The following NKX6-1 variants were observed in gnomAD, a reference collection of about 807,000 sequenced individuals.
The protein encoded by NKX6-1 is NK6 homeobox 1.
Under a neutral mutation model 24.9 loss-of-function variants are expected in NKX6-1, and 11 were observed. The ratio of observed to expected loss-of-function variants is 0.44; its 90% CI spans 0.28 to 0.73. The LOEUF is 0.73. Ranked by LOEUF, NKX6-1 falls within the 30% of genes least tolerant of loss-of-function variation. The probability of loss-of-function intolerance (pLI) is 0.15; values close to 1 mark genes in which losing one functional copy is unlikely to be tolerated. For missense variants in NKX6-1, 487 were observed against 502.9 expected (o/e 0.97, Z 0.30); for synonymous variants, 277 against 242.9 (o/e 1.14, Z -1.31).
In NKX6-1 at chr4:84,498,603, C is replaced by T. The variant is rs1263261035; in HGVS notation, c.-375G>A. On this transcript the variant is annotated 5_prime_UTR_variant, in exon 1 of 3. Coordinates refer to ENST00000295886, the MANE Select transcript of NKX6-1 (RefSeq NM_006168.3). ...CCCCGGGAAATAAGCAAAACAAAACCCAGGCTGGCTCCGGAGAGTTTGTAG... is the reference window on the plus strand; with the variant it reads ...CCCCGGGAAATAAGCAAAACAAAACTCAGGCTGGCTCCGGAGAGTTTGTAG... Among the ~76,000 whole-genome samples the T allele has an allele frequency of 3.3e-5, 5 of 152,184 alleles. No homozygotes were observed. The highest frequency in any genetic ancestry group is 5.9e-5 in the Non-Finnish European group (4 of 68,036).
chr4:84,498,471 C>T lies in NKX6-1; in HGVS notation c.-243G>A. The T allele has an allele frequency of 5.0e-6, 2 of 397,186 alleles. No homozygotes were observed. The highest frequency in any genetic ancestry group is 8.8e-6 in the Non-Finnish European group (2 of 227,070). The allele number at this position is 397,186 out of a possible 1,614,324, so 24.6% of individuals were successfully genotyped here. ...TCGCCGAGAAAAGCAGGCGTCCCGG[C>T]GGGCTAGGCAGTCCTTTCGTTCCGC... On this transcript the variant is annotated 5_prime_UTR_variant, in exon 1 of 3. Coordinates refer to ENST00000295886, the MANE Select transcript of NKX6-1 (RefSeq NM_006168.3).
rs1305333576 is a variant in NKX6-1, at chr4:84,497,087, G to A, written c.670+472C>T. 1 of 154,884 alleles carries A rather than the reference G, an allele frequency of 6.5e-6. No homozygotes were observed. The highest frequency in any genetic ancestry group is 1.9e-4 in the East Asian group (1 of 5,254). 9.6% of individuals were successfully genotyped at this position (154,884 alleles called of 1,614,324 possible). A position where few individuals can be genotyped will look rare whatever the true frequency, so the allele number is the denominator to read the frequency against. ...CACCGCTGCCGGGCCTCACTGCTTC[G>A]AAGAGAGGCAGCGGGTTAGGCTGGC... On this transcript the variant is annotated intron_variant, in intron 1 of 2. Transcript: ENST00000295886. The surrounding 1 kb of genome is among the most constrained non-coding windows in gnomAD (Gnocchi z 4.8).
chr4:84,493,710 C>T lies in NKX6-1; in HGVS notation c.844-161G>A, dbSNP rs1720770594. On this transcript the variant is annotated intron_variant, in intron 2 of 2. Transcript: ENST00000295886. This position sits in a 1 kb window ranked among gnomAD's most constrained non-coding sequence, Gnocchi z 5.1. ...CCTCCCTTTTCTCGGCCGTCAAAGT[C>T]AGTCTCCGTCGCCCCAAGTTCCCCC... Among the ~76,000 whole-genome samples the T allele has an allele frequency of 6.6e-6, 1 of 152,250 alleles. No individual in the cohort carries two copies.
chr4:84,496,483 C>G (rs1720824119), intron 1 of NKX6-1: 1 of 152,318 alleles, frequency 6.6e-6, no homozygotes, highest in South Asian at 2.1e-4. Context: ...CCCGGGCTTC[C>G]CAAGAGAACC....
Position 84,498,310 on chromosome 4 carries a change from G to T in NKX6-1, c.-82C>A. 7.9e-7 allele frequency: 1 copy of T among 1,260,238 alleles called. No individual in the cohort carries two copies. Among genetic ancestry groups the T allele is most frequent in the Non-Finnish European group, 1.0e-6 (1 of 1,002,366 alleles). 78.1% of individuals were successfully genotyped at this position (1,260,238 alleles called of 1,614,324 possible). ...CGCGGGGCTCAGAGGAGCCGGAAGCGCCGAGGGCGCGAGCGGAGAGGCACT... is the reference window on the plus strand; with the variant it reads ...CGCGGGGCTCAGAGGAGCCGGAAGCTCCGAGGGCGCGAGCGGAGAGGCACT... On this transcript the variant is annotated 5_prime_UTR_variant, in exon 1 of 3. Transcript: ENST00000295886.
rs1359539177 is a variant in NKX6-1 at position 84,493,051 on chromosome 4, T to G, written c.*238A>C. ...CAGTAGCGACATTTACGCAGTGCAT[T>G]TGGTGGTCTTTCTTGCCTTATCAAC... On this transcript the variant is annotated 3_prime_UTR_variant, in exon 3 of 3. Coordinates refer to ENST00000295886, the MANE Select transcript of NKX6-1 (RefSeq NM_006168.3). The surrounding 1 kb of genome is among the most constrained non-coding windows in gnomAD (Gnocchi z 5.1). 3 of 327,880 alleles carry G rather than the reference T, an allele frequency of 9.1e-6. No individual in the cohort carries two copies. The highest frequency in any genetic ancestry group is 5.0e-5 in the East Asian group (1 of 20,178). The allele number at this position is 327,880 out of a possible 1,614,324, so 20.3% of individuals were successfully genotyped here. A position where few individuals can be genotyped will look rare whatever the true frequency, so the allele number is the denominator to read the frequency against.
chr4:84,496,090 A>T (rs1396779300), intron 1 of NKX6-1, among the ~76,000 whole-genome samples: 1 of 152,060 alleles, frequency 6.6e-6, no homozygotes, highest in African/African-American at 2.4e-5. Flanking sequence ...CTCAACACCG[A>T]CGTCAAACAG....
rs1216865521 is a variant in NKX6-1, at chr4:84,492,169, A to C, written c.*1120T>G. 1.3e-5 allele frequency: 2 copies of C among 152,212 alleles called. No homozygotes were observed. Among genetic ancestry groups the C allele is most frequent in the South Asian group, 4.1e-4 (2 of 4,830 alleles). The allele number at this position is 152,212 out of a possible 1,614,324, so 9.4% of individuals were successfully genotyped here. A position where few individuals can be genotyped will look rare whatever the true frequency, so the allele number is the denominator to read the frequency against. ...AAAAAGAAAACAATTTACATATTCT[A>C]TAGTATTCTTATGATACAAAACACT... On this transcript the variant is annotated 3_prime_UTR_variant, in exon 3 of 3. Coordinates refer to ENST00000295886, the MANE Select transcript of NKX6-1 (RefSeq NM_006168.3).
Position 84,498,297 on chromosome 4 carries a change from A to G in NKX6-1, c.-69T>C. ...GGCTGGTGCCCCCCGCGGGGCTCAG[A>G]GGAGCCGGAAGCGCCGAGGGCGCGA... On this transcript the variant is annotated 5_prime_UTR_variant, in exon 1 of 3. Transcript: ENST00000295886. The G allele has an allele frequency of 7.9e-7, 1 of 1,272,044 alleles. No homozygotes were observed. Among genetic ancestry groups the G allele is most frequent in the South Asian group, 3.5e-5 (1 of 28,484 alleles). 78.8% of individuals were successfully genotyped at this position (1,272,044 alleles called of 1,614,324 possible).
intron 1 of NKX6-1, 152 bp from the exon 2 acceptor site, chr4:84,495,996 AC>A: frequency 1.4e-6 from 1 of 736,888 alleles, no homozygotes; most frequent in East Asian, 2.7e-5. Context: ...GCGCTTCCAG[AC>A]TAACGGCACG....
In NKX6-1 at chr4:84,493,446, G is replaced by GC. The variant is rs1720764911; in HGVS notation, c.946dup (p.Ala316GlyfsTer13). 1 of 1,614,250 alleles carries GC rather than the reference G, an allele frequency of 6.2e-7. No homozygotes were observed. Among genetic ancestry groups the GC allele is most frequent in the Non-Finnish European group, 8.5e-7 (1 of 1,180,054 alleles). Reference sequence around the variant, plus strand: ...GTCGTCCTCTTCCTCGTTCTCCGAGGCCCCCTTGAGGCGCTCTGTCTCCGA... The same window carrying GC: ...GTCGTCCTCTTCCTCGTTCTCCGAGGCCCCCCTTGAGGCGCTCTGTCTCCGA... On this transcript the variant is annotated frameshift_variant, in exon 3 of 3. Transcript: ENST00000295886. LOFTEE classifies it high-confidence loss of function. The surrounding 1 kb of genome is among the most constrained non-coding windows in gnomAD (Gnocchi z 5.1).
rs371770743 is a variant in NKX6-1 at position 84,497,992 on chromosome 4, C to T, written c.237G>A (p.Gly79=). 7 of 1,287,634 alleles carry T rather than the reference C, an allele frequency of 5.4e-6. No homozygotes were observed. The East Asian group carries it at 8.6e-5, about 16-fold the overall frequency. 79.8% of individuals were successfully genotyped at this position (1,287,634 alleles called of 1,614,324 possible). ...GCGGGGGGCTGCCGAGGGATGAGAGCCCCCCCGTGGCCGGGGGCTTCAGGC... is the reference window on the plus strand; with the variant it reads ...GCGGGGGGCTGCCGAGGGATGAGAGTCCCCCCGTGGCCGGGGGCTTCAGGC... ...PGGLKPPATG[G]LSSLGSPPQQ... is the part of the protein sequence containing the mutation. Residue 79 remains glycine, a synonymous_variant, in exon 1 of 3, where the codon GGG becomes GGA. Coordinates refer to ENST00000295886, the MANE Select transcript of NKX6-1 (RefSeq NM_006168.3). This position sits in a 1 kb window ranked among gnomAD's most constrained non-coding sequence, Gnocchi z 4.8.
Position 84,493,605 on chromosome 4 carries a change from A to C in NKX6-1, c.844-56T>G. ...GGCAAGGGCGAGGAATTAAACGAGC[A>C]GATCCAGGCCATGCTACCACTCCCG... is the stretch of plus-strand genomic sequence containing the variant. On this transcript the variant is annotated intron_variant, in intron 2 of 2. Coordinates refer to ENST00000295886, the MANE Select transcript of NKX6-1 (RefSeq NM_006168.3). This position sits in a 1 kb window ranked among gnomAD's most constrained non-coding sequence, Gnocchi z 5.1. 1 of 1,596,246 alleles carries C rather than the reference A, an allele frequency of 6.3e-7. No individual in the cohort carries two copies. The highest frequency in any genetic ancestry group is 8.6e-7 in the Non-Finnish European group (1 of 1,168,714).
chr4:84,495,659 A>C lies in NKX6-1; in HGVS notation c.843+13T>G. Reference sequence around the variant, plus strand: ...GCGGTACCTATCCCTCCAGGTATGCAAGGTCCACTCACCTTGACCTGACTC... The same window carrying C: ...GCGGTACCTATCCCTCCAGGTATGCCAGGTCCACTCACCTTGACCTGACTC... On this transcript the variant is annotated intron_variant, in intron 2 of 2. Coordinates refer to ENST00000295886, the MANE Select transcript of NKX6-1 (RefSeq NM_006168.3). The C allele has an allele frequency of 2.5e-6, 4 of 1,609,846 alleles. No individual in the cohort carries two copies. The highest frequency in any genetic ancestry group is 2.5e-6 in the Non-Finnish European group (3 of 1,178,042).
chr4:84,494,168 G>T (rs1393849907), intron 2 of NKX6-1, among the ~76,000 whole-genome samples: 1 of 108,256 alleles, frequency 9.2e-6, no homozygotes, highest in African/African-American at 4.1e-5. Context: ...AATGTATGGT[G>T]CACTTCAAAA....
chr4:84,495,626 C>T, intron 2 of NKX6-1, 46 bp downstream of exon 2: 1 of 1,557,734 alleles, frequency 6.4e-7, no homozygotes, highest in Non-Finnish European at 8.8e-7. Flanking sequence ...CACGCGCGCG[C>T]GACAGGGGCG....
At chr4:84,495,595 G>C in intron 2 of NKX6-1, 77 bp downstream of exon 2, 1 of 1,188,764 alleles carries the variant, frequency 8.4e-7, no homozygotes, top group South Asian at 1.4e-5. Context: ...GTGTGTGTGT[G>C]TGTGTGTGTG....
chr4:84,498,020 C>T lies in NKX6-1; in HGVS notation c.209G>A (p.Gly70Asp). 1 of 1,272,602 alleles carries T rather than the reference C, an allele frequency of 7.9e-7. No individual in the cohort carries two copies. The highest frequency in any genetic ancestry group is 2.9e-5 in the East Asian group (1 of 34,120). 78.8% of individuals were successfully genotyped at this position (1,272,602 alleles called of 1,614,324 possible). ...CCCCGTGGCCGGGGGCTTCAGGCCG[C>T]CTGGGTTGTGGGTGCCCAGAGGCGG... Reference protein sequence around the residue: ...PSPPLGTHNPGGLKPPATGGL... With the variant: ...PSPPLGTHNPDGLKPPATGGL... Residue 70 changes from glycine (G) to aspartate (D), a missense_variant, in exon 1 of 3, where the codon GGC becomes GAC. Around this residue, in one of 3 missense-constraint regions of NKX6-1, gnomAD observed 316 missense variants for 311.4 expected, o/e 1.01. Transcript: ENST00000295886.
rs1375717414 is a variant in NKX6-1, at chr4:84,498,716, G to T, written c.-488C>A. Among the ~76,000 whole-genome samples, 2 of 152,186 alleles carry T rather than the reference G, an allele frequency of 1.3e-5. No individual in the cohort carries two copies. Among genetic ancestry groups the T allele is most frequent in the East Asian group, 3.9e-4 (2 of 5,166 alleles). The stretch of plus-strand genomic sequence containing the variant: ...GGAGGTTCAAAGGACGCCTTGTGCA[G>T]CCCGTGGCGCTCCTCTGATCTTACT... On this transcript the variant is annotated 5_prime_UTR_variant, in exon 1 of 3. In the 5' UTR this introduces an upstream ATG that the reference lacks. Coordinates refer to ENST00000295886, the MANE Select transcript of NKX6-1 (RefSeq NM_006168.3).
Sources: gnomAD v4.1 joint callset for allele counts (sites outside exome capture counted in the v4.1 genomes callset) on GRCh38, gnomAD v4.1.1 for gene constraint, gnomAD v4.1.1 regional missense constraint, Gnocchi (gnomAD v3.1) non-coding constraint, MANE v1.5 for transcripts, NCBI Gene and HGNC (gene_info 2026-07-23, HGNC 2026-07-21) for gene names.